FRRS1L: variants seen among roughly 807,000 people sequenced by gnomAD.
FRRS1L encodes the protein ferric chelate reductase 1 like.
A neutral mutation model predicts 28.6 loss-of-function variants in FRRS1L; 22 were observed. The observed-to-expected ratio is 0.77, with a 90% CI of 0.55 to 1.10. The LOEUF (loss-of-function observed/expected upper bound fraction) is 1.10, where lower values mean the gene tolerates loss of function less well. Ranked by LOEUF, FRRS1L falls within the 50% of genes least tolerant of loss-of-function variation. FRRS1L has a pLI of 0.00. For synonymous variants in FRRS1L, 158 were observed against 151.4 expected, an observed-to-expected ratio of 1.04 and a Z score of -0.32; for missense variants, 380 against 386.9, an observed-to-expected ratio of 0.98 and a Z score of 0.15.
Position 109,147,034 on chromosome 9 carries a change from CA to C in FRRS1L, c.462+16del, listed in dbSNP as rs2118481793. ...CTAAAGAGAAAAAATCAGCTTCTAT[CA>C]TGTTTTGCATCTTACCATTTTCTTG... On this transcript the variant is annotated intron_variant, in intron 3 of 4. Transcript: ENST00000561981. 1 of 1,611,290 alleles carries C rather than the reference CA, an allele frequency of 6.2e-7. No homozygotes were observed. Among genetic ancestry groups the C allele is most frequent in the Admixed American group, 1.7e-5 (1 of 59,896 alleles).
intron 3 of FRRS1L, among the ~76,000 whole-genome samples, chr9:109,143,872 T>C (rs1831221000): frequency 6.6e-6 from 1 of 152,030 alleles, no homozygotes; most frequent in South Asian, 2.1e-4. Context: ...GTTTTTCCTA[T>C]ACATTAGGTT....
In FRRS1L at chr9:109,159,277, T is replaced by C. The variant is rs185848178; in HGVS notation, c.238+7624A>G. ...TTTTTTCTTGATTAATTTTGCCAGATGGTTAATTTTATATGTCAATTTGGC... is the reference window on the plus strand; with the variant it reads ...TTTTTTCTTGATTAATTTTGCCAGACGGTTAATTTTATATGTCAATTTGGC... On this transcript the variant is annotated intron_variant, in intron 1 of 4. Transcript: ENST00000561981. Among the ~76,000 whole-genome samples the C allele has an allele frequency of 3.5e-3, 533 of 152,306 alleles. 7 individuals carry two copies. Among genetic ancestry groups the C allele is most frequent in the African/African-American group, 0.012 (496 of 41,554 alleles).
rs545240118 is a variant in FRRS1L at position 109,130,562 on chromosome 9, T to C, written c.*6893A>G. The stretch of plus-strand genomic sequence containing the variant: ...TAAAAATTTACATAAGATAGGCTTA[T>C]AAATATACATAAATCTCAAAATTAA... On this transcript the variant is annotated 3_prime_UTR_variant, in exon 5 of 5. Transcript: ENST00000561981. The C allele has an allele frequency of 6.6e-6, 1 of 152,354 alleles. No homozygotes were observed. Among genetic ancestry groups the C allele is most frequent in the African/African-American group, 2.4e-5 (1 of 41,594 alleles). 9.4% of individuals were successfully genotyped at this position (152,354 alleles called of 1,614,324 possible).
chr9:109,137,361 A>T lies in FRRS1L; in HGVS notation c.*94T>A. ...TTATATGAGGTTTTTTTTCTTAAAT[A>T]ATTGAAGCTAAAATTATACTGGATA... On this transcript the variant is annotated 3_prime_UTR_variant, in exon 5 of 5. Transcript: ENST00000561981. 1.3e-6 allele frequency: 1 copy of T among 761,672 alleles called. No individual in the cohort carries two copies. 47.2% of individuals were successfully genotyped at this position (761,672 alleles called of 1,614,324 possible).
chr9:109,155,096 G>T (rs945232146), intron 1 of FRRS1L, among the ~76,000 whole-genome samples: 1 of 152,158 alleles, frequency 6.6e-6, no homozygotes, highest in Non-Finnish European at 1.5e-5. Flanking sequence ...TTGCCATGCT[G>T]CCCACAGCTC....
rs1227236483 is a variant in FRRS1L at position 109,150,926 on chromosome 9, ACAAAC to A, written c.239-1211_239-1207del. ...CAGACATTAGGAAATGTAAATCAGT[ACAAAC>A]TTTTAAAAATCATTCTATTTTATGA... is the stretch of plus-strand genomic sequence containing the variant. On this transcript the variant is annotated intron_variant, in intron 1 of 4. Transcript: ENST00000561981. 3.9e-5 allele frequency: 6 copies of A among 152,390 alleles called. No individual in the cohort carries two copies. In the East Asian group the frequency reaches 5.8e-4, roughly 15 times the overall value. The allele number at this position is 152,390 out of a possible 1,614,324, so 9.4% of individuals were successfully genotyped here.
At chr9:109,159,634 G>C (rs747717466) in intron 1 of FRRS1L, among the ~76,000 whole-genome samples, 2 of 152,102 alleles carry the variant, frequency 1.3e-5, no homozygotes, top group Non-Finnish European at 2.9e-5. Flanking sequence ...TTCCAGCCTG[G>C]GTGACAGAGC....
At chr9:109,152,665 G>A (rs113257053) in intron 1 of FRRS1L, among the ~76,000 whole-genome samples, 14,664 of 150,430 alleles carry the variant, frequency 0.097, 968 homozygotes, top group Middle Eastern at 0.16. Context: ...TTAGCTGGGC[G>A]TGGTGGTGGG....
chr9:109,141,237 C>A (rs1399747190), intron 4 of FRRS1L, 106 bp downstream of exon 4: 1 of 1,250,728 alleles, frequency 8.0e-7, no homozygotes, highest in Non-Finnish European at 1.1e-6. Context: ...TTAAATGATC[C>A]AGAGTGCTTA....
intron 1 of FRRS1L, chr9:109,151,592 T>C: frequency 4.2e-6 from 1 of 238,186 alleles, no homozygotes; most frequent in South Asian, 6.6e-5. Flanking sequence ...AGCTCAGGGC[T>C]CCCACTGATT....
At chr9:109,147,515 T>C (rs1202289681) in intron 2 of FRRS1L, 1 of 200,620 alleles carries the variant, frequency 5.0e-6, no homozygotes, top group Non-Finnish European at 1.0e-5. Context: ...TATTAGAGTC[T>C]TTTACATGTT....
chr9:109,167,019 C>T lies in FRRS1L; in HGVS notation c.120G>A (p.Arg40=). ...CCCCCCGCGCGCGTCCCCGGGGTCC[C>T]CGGCCCCCCGGGCCCGCACCGTCGT... ...PADDGAGPGG[R]GPRGRARGDT... Residue 40 remains arginine, a synonymous_variant, in exon 1 of 5, where the codon CGG becomes CGA. Coordinates refer to ENST00000561981, the MANE Select transcript of FRRS1L (RefSeq NM_014334.4). The T allele has an allele frequency of 8.2e-7, 1 of 1,219,974 alleles. No homozygotes were observed. Among genetic ancestry groups the T allele is most frequent in the Non-Finnish European group, 1.0e-6 (1 of 981,036 alleles). 75.6% of individuals were successfully genotyped at this position (1,219,974 alleles called of 1,614,324 possible). A position where few individuals can be genotyped will look rare whatever the true frequency, so the allele number is the denominator to read the frequency against.
chr9:109,147,094 G>T lies in FRRS1L; in HGVS notation c.419C>A (p.Thr140Lys), dbSNP rs1292125014. The change falls in exon 3 of 5, where the codon ACA becomes AAA. Residue 140 changes from threonine to lysine, a missense_variant. Thr to Lys is a moderately conservative substitution (Grantham distance 78). Transcript: ENST00000561981. ...ADVEFELSAD[T>K]DGWVAVGFSS... Reference sequence around the variant, plus strand: ...GAATCCAACTGCTACCCAACCATCTGTGTCTGCACTCAGCTCAAATTCTAC... The same window carrying T: ...GAATCCAACTGCTACCCAACCATCTTTGTCTGCACTCAGCTCAAATTCTAC... 2.5e-6 allele frequency: 4 copies of T among 1,613,770 alleles called. No individual in the cohort carries two copies. Among genetic ancestry groups the T allele is most frequent in the Non-Finnish European group, 3.4e-6 (4 of 1,179,684 alleles).
chr9:109,143,871 A>C lies in FRRS1L; in HGVS notation c.463-2282T>G, dbSNP rs566695496. 1.6e-3 allele frequency among the ~76,000 whole-genome samples: 247 copies of C among 152,094 alleles called. 3 individuals carry two copies. The highest frequency in any genetic ancestry group is 2.3e-3 in the Non-Finnish European group (159 of 68,000). The stretch of plus-strand genomic sequence containing the variant: ...AAAGGGGTTCCATTTTGTTTTTCCT[A>C]TACATTAGGTTCTCAAAAAAAATTA... On this transcript the variant is annotated intron_variant, in intron 3 of 4. Transcript: ENST00000561981.
chr9:109,158,801 T>C (rs1831443063), intron 1 of FRRS1L, among the ~76,000 whole-genome samples: 1 of 152,222 alleles, frequency 6.6e-6, no homozygotes, highest in Non-Finnish European at 1.5e-5. Context: ...TATGGACAAG[T>C]TTTTGTGTGA....
chr9:109,132,368 T>G lies in FRRS1L; in HGVS notation c.*5087A>C, dbSNP rs184142730. 2.0e-5 allele frequency: 3 copies of G among 152,360 alleles called. No individual in the cohort carries two copies. 9.4% of individuals were successfully genotyped at this position (152,360 alleles called of 1,614,324 possible). A position where few individuals can be genotyped will look rare whatever the true frequency, so the allele number is the denominator to read the frequency against. On this transcript the variant is annotated 3_prime_UTR_variant, in exon 5 of 5. Transcript: ENST00000561981. ...AGCAGTTCAGCGCAATGGTTGTCCA[T>G]GATCACCACAGTTACTTAAGACAAA...
At chr9:109,142,998 A>G (rs866928541) in intron 3 of FRRS1L, among the ~76,000 whole-genome samples, 7 of 151,494 alleles carry the variant, frequency 4.6e-5, no homozygotes, top group Middle Eastern at 3.4e-3. Flanking sequence ...TACAGTTTAC[A>G]TTTTTTTCAA....
intron 1 of FRRS1L, among the ~76,000 whole-genome samples, chr9:109,165,659 T>A (rs1325717552): frequency 6.6e-6 from 1 of 152,262 alleles, no homozygotes; most frequent in East Asian, 1.9e-4. Context: ...ATATTATGTC[T>A]CAGCTAATAG....
At chr9:109,146,944 C>A in intron 3 of FRRS1L, 107 bp downstream of exon 3, 1 of 1,016,820 alleles carries the variant, frequency 9.8e-7, no homozygotes. Context: ...AGAGCCATAA[C>A]TAATTTGATC....
Sources: allele counts gnomAD v4.1 joint callset (sites outside exome capture counted in the v4.1 genomes callset), GRCh38; gene constraint gnomAD v4.1.1; transcripts MANE v1.5; gene names NCBI Gene and HGNC (gene_info 2026-07-23, HGNC 2026-07-21).